The following FRMPD3 variants were observed in gnomAD, a reference collection of about 807,000 sequenced individuals.
FRMPD3 encodes the protein FERM and PDZ domain-containing protein 3.
FRMPD3 carries 42 observed loss-of-function variants against 97.9 expected under a neutral mutation model. The ratio of observed to expected loss-of-function variants is 0.43; its 90% CI spans 0.34 to 0.55. The LOEUF is 0.55. FRMPD3 is among the 20% of genes least tolerant of loss of function. FRMPD3 has a pLI of 0.03. For synonymous variants in FRMPD3, 577 were observed against 581.1 expected, an observed-to-expected ratio of 0.99 and a Z score of 0.10; for missense variants, 1,303 against 1,457.7, an observed-to-expected ratio of 0.89 and a Z score of 1.73.
At chrX:107,587,064 C>A (rs901859692) in intron 13 of FRMPD3, among the ~76,000 whole-genome samples, 1 of 111,478 alleles carries the variant, frequency 9.0e-6, no homozygotes, top group Non-Finnish European at 1.9e-5. Context: ...AAGTCTCCCA[C>A]TATTATTGTG....
At chrX:107,574,633 T>C (rs73522855) in intron 12 of FRMPD3, among the ~76,000 whole-genome samples, 3,236 of 112,503 alleles carry the variant, frequency 0.029, 99 homozygotes, top group African/African-American at 0.099. Flanking sequence ...ACAGCTGAGC[T>C]GGTTTGGAAT....
At position 107,597,797 on chromosome X, in the gene FRMPD3, G is replaced by A. The variant is rs747270019; in HGVS notation, c.1918G>A (p.Asp640Asn). ...TGGCTCCTCTCGTGACAATATAGTA[G>A]ATTTGATGTCCCTCCCACCACCTGG... ...KPGSSRDNIVDLMSLPPPGSE... is the reference protein window; with the variant it reads ...KPGSSRDNIVNLMSLPPPGSE... The change falls in exon 14 of 15, where the codon GAT (aspartate) becomes AAT (asparagine). Residue 640 changes from aspartate to asparagine, a missense_variant. Asp to Asn is a conservative substitution (Grantham distance 23). This residue lies in a region of FRMPD3 where 535 missense variants were observed against 618.6 expected (regional missense o/e 0.86). Transcript: ENST00000683843. The A allele has an allele frequency of 8.5e-7, 1 of 1,181,786 alleles. No individual in the cohort carries two copies. Among genetic ancestry groups the A allele is most frequent in the South Asian group, 1.9e-5 (1 of 53,956 alleles).
At chrX:107,600,078 A>G (rs1924419187) in intron 14 of FRMPD3, among the ~76,000 whole-genome samples, 1 of 112,200 alleles carries the variant, frequency 8.9e-6, no homozygotes, top group Non-Finnish European at 1.9e-5. Flanking sequence ...ACATTGTGTG[A>G]GGTATTATAA....
chrX:107,504,593 C>T (rs1359844500), intron 1 of FRMPD3, among the ~76,000 whole-genome samples: 2 of 112,038 alleles, frequency 1.8e-5, no homozygotes, highest in Non-Finnish European at 3.8e-5. Flanking sequence ...TTAGATTGTA[C>T]GTATACTTGG....
At chrX:107,490,496 A>G (rs1921631394) in intron 1 of FRMPD3, among the ~76,000 whole-genome samples, 1 of 111,339 alleles carries the variant, frequency 9.0e-6, no homozygotes, top group South Asian at 3.8e-4. Flanking sequence ...ATTTGTTTGT[A>G]TCCTCTTTTA....
chrX:107,598,018 G>A lies in FRMPD3; in HGVS notation c.2139G>A (p.Val713=). ...DEIPVTLIDS[V]QTRTVRDHAQ... Reference sequence around the variant, plus strand: ...TTCCAGTGACATTGATTGACAGTGTGCAGACCCGGACAGTTCGAGATCATG... The same window carrying A: ...TTCCAGTGACATTGATTGACAGTGTACAGACCCGGACAGTTCGAGATCATG... The change falls in exon 14 of 15, where the codon GTG becomes GTA. Residue 713 remains valine, a synonymous_variant. Coordinates refer to ENST00000683843, the MANE Select transcript of FRMPD3 (RefSeq NM_001388459.1). The A allele has an allele frequency of 8.3e-7, 1 of 1,210,570 alleles. No individual in the cohort carries two copies. The highest frequency in any genetic ancestry group is 1.1e-6 in the Non-Finnish European group (1 of 895,305).
chrX:107,595,847 A>G (rs1924146052), intron 13 of FRMPD3, among the ~76,000 whole-genome samples: 1 of 108,418 alleles, frequency 9.2e-6, no homozygotes, highest in Non-Finnish European at 1.9e-5. Flanking sequence ...CTGAGGCAGG[A>G]GAATCACTTG....
chrX:107,527,870 C>T (rs1922761545), intron 2 of FRMPD3, among the ~76,000 whole-genome samples: 1 of 111,501 alleles, frequency 9.0e-6, no homozygotes, highest in Non-Finnish European at 1.9e-5. Flanking sequence ...CAATTTAGTA[C>T]AGGAGTCCGT....
chrX:107,516,360 G>A (rs1922330449), intron 1 of FRMPD3, among the ~76,000 whole-genome samples: 1 of 111,240 alleles, frequency 9.0e-6, no homozygotes. Flanking sequence ...CTTTATAGCA[G>A]CATGTTTTAT....
intron 2 of FRMPD3, among the ~76,000 whole-genome samples, chrX:107,529,704 A>G (rs1295670363): frequency 8.9e-6 from 1 of 112,297 alleles, no homozygotes; most frequent in Admixed American, 9.4e-5. Flanking sequence ...CAGTGTAGAA[A>G]AAAAAATAAC....
At chrX:107,454,062 T>C (rs755909658) in intron 1 of FRMPD3, among the ~76,000 whole-genome samples, 4 of 111,905 alleles carry the variant, frequency 3.6e-5, no homozygotes, top group African/African-American at 1.3e-4. Context: ...GTAGCCAGTG[T>C]TTTTGCTCTG....
At chrX:107,538,756 G>C (rs1383102204) in intron 4 of FRMPD3, among the ~76,000 whole-genome samples, 2 of 111,399 alleles carry the variant, frequency 1.8e-5, no homozygotes, top group African/African-American at 3.3e-5. Flanking sequence ...TACCTCCTGG[G>C]TTCAAGTGAC....
At chrX:107,588,062 G>T (rs754829404) in intron 13 of FRMPD3, among the ~76,000 whole-genome samples, 1 of 111,023 alleles carries the variant, frequency 9.0e-6, no homozygotes, top group Non-Finnish European at 1.9e-5. Context: ...GGTGTGAGCC[G>T]CAACGCCCAG....
At chrX:107,500,295 A>G (rs1921873261) in intron 1 of FRMPD3, among the ~76,000 whole-genome samples, 1 of 111,561 alleles carries the variant, frequency 9.0e-6, no homozygotes. Flanking sequence ...CAGGGTTGCC[A>G]GGTAGGATTT....
chrX:107,579,556 A>G (rs1176960636), intron 13 of FRMPD3, among the ~76,000 whole-genome samples: 1 of 112,340 alleles, frequency 8.9e-6, no homozygotes, highest in Non-Finnish European at 1.9e-5. Context: ...CAGATGATTA[A>G]AAGGATAAGG....
In FRMPD3 at chrX:107,601,676, C is replaced by T. The variant is rs780999795; in HGVS notation, c.3637C>T (p.Pro1213Ser). 1.6e-4 allele frequency: 196 copies of T among 1,209,833 alleles called. No homozygotes were observed. Among genetic ancestry groups the T allele is most frequent in the Non-Finnish European group, 2.1e-4 (190 of 895,301 alleles). Residue 1213 changes from proline (P) to serine (S), a missense_variant, in exon 15 of 15, where the codon CCT becomes TCT. Coordinates refer to ENST00000683843, the MANE Select transcript of FRMPD3 (RefSeq NM_001388459.1). ...TGCCAAACCCAAGTCATCCCGAGGT[C>T]CTTTCCGGCTACGCAATTTATTCTC... ...GPAKPKSSRGPFRLRNLFSAT... is the reference protein window; with the variant it reads ...GPAKPKSSRGSFRLRNLFSAT...
chrX:107,598,734 A>G (rs899183317), intron 14 of FRMPD3, among the ~76,000 whole-genome samples: 1 of 112,470 alleles, frequency 8.9e-6, no homozygotes, highest in African/African-American at 3.2e-5. Context: ...AAGTAGTTCT[A>G]TCACATGGGG....
intron 1 of FRMPD3, among the ~76,000 whole-genome samples, chrX:107,491,785 G>T (rs145886146): frequency 0.018 from 2,056 of 111,605 alleles, 54 homozygotes; most frequent in African/African-American, 0.064. Flanking sequence ...TAAGGAATCT[G>T]CCCAGAGAGG....
rs764208142 is a variant in FRMPD3, at chrX:107,558,661, A to G, written c.763-1596A>G. On this transcript the variant is annotated intron_variant, in intron 8 of 14. Coordinates refer to ENST00000683843, the MANE Select transcript of FRMPD3 (RefSeq NM_001388459.1). ...AAAATACAAAATTTAAAAATATAATATAATAACTATTTGCATAGCATTTTT... is the reference window on the plus strand; with the variant it reads ...AAAATACAAAATTTAAAAATATAATGTAATAACTATTTGCATAGCATTTTT... 6.3e-5 allele frequency among the ~76,000 whole-genome samples: 7 copies of G among 111,753 alleles called. No individual in the cohort carries two copies. The South Asian group carries it at 2.7e-3, about 42-fold the overall frequency.
Sources: allele counts gnomAD v4.1 joint callset (sites outside exome capture counted in the v4.1 genomes callset), GRCh38; gene constraint gnomAD v4.1.1; regional missense constraint gnomAD v4.1.1; transcripts MANE v1.5; gene names NCBI Gene and HGNC (gene_info 2026-07-23, HGNC 2026-07-21).